SCUBE1: variants seen among roughly 807,000 people sequenced by gnomAD.
The protein encoded by SCUBE1 is signal peptide, CUB domain and EGF like domain containing 1, also known as signal peptide, CUB and EGF-like domain-containing protein 1.
In SCUBE1, 59 loss-of-function variants were observed where a neutral mutation model predicts 124.4. The ratio of observed to expected loss-of-function variants is 0.47; its 90% CI spans 0.38 to 0.59. The LOEUF is 0.59. SCUBE1 is among the 20% of genes least tolerant of loss of function. The pLI is 0.00. For missense variants in SCUBE1, 1,150 were observed against 1,371.2 expected (o/e 0.84, Z 2.55); for synonymous variants, 545 against 550.9 (o/e 0.99, Z 0.15).
At chr22:43,324,045 G>T (rs968466551) in intron 2 of SCUBE1, among the ~76,000 whole-genome samples, 2 of 152,166 alleles carry the variant, frequency 1.3e-5, no homozygotes, top group Non-Finnish European at 2.9e-5. Flanking sequence ...CTATTTTAAT[G>T]GTGGTAAGGT....
At position 43,320,250 on chromosome 22, in the gene SCUBE1, G is replaced by A. The variant is rs186405440; in HGVS notation, c.221-185C>T. 7.9e-5 allele frequency among the ~76,000 whole-genome samples: 12 copies of A among 152,314 alleles called. No homozygotes were observed. The East Asian group carries it at 2.3e-3, about 29-fold the overall frequency. Reference sequence around the variant, plus strand: ...CTAATCATGTGTGGGGTGCCTTCCAGTTCCTACCACAGTGAACAGGCAAGA... The same window carrying A: ...CTAATCATGTGTGGGGTGCCTTCCAATTCCTACCACAGTGAACAGGCAAGA... On this transcript the variant is annotated intron_variant, in intron 2 of 21. Transcript: ENST00000360835.
intron 3 of SCUBE1, among the ~76,000 whole-genome samples, chr22:43,308,265 C>G (rs1926046643): frequency 2.6e-5 from 4 of 152,140 alleles, no homozygotes; most frequent in Admixed American, 2.6e-4. Flanking sequence ...CTGTCTTGTA[C>G]TCTGACAGCA....
intron 10 of SCUBE1, 22 bp from the exon 11 acceptor site, chr22:43,223,238 AG>A (rs1201767142): frequency 1.9e-6 from 3 of 1,556,980 alleles, no homozygotes; most frequent in Non-Finnish European, 2.6e-6. Context: ...GATACGAGAG[AG>A]GGCTGAGAGA....
chr22:43,246,610 G>A (rs565353081), intron 6 of SCUBE1, among the ~76,000 whole-genome samples: 3 of 152,340 alleles, frequency 2.0e-5, no homozygotes, highest in African/African-American at 7.2e-5. Context: ...TCTGAGCTTC[G>A]GTTTCCTTAT....
At chr22:43,230,466 C>T (rs1008447836) in intron 8 of SCUBE1, among the ~76,000 whole-genome samples, 9 of 151,622 alleles carry the variant, frequency 5.9e-5, no homozygotes, top group African/African-American at 1.5e-4. Context: ...GGGGGTGGGG[C>T]GGGTGAGGAC....
At chr22:43,223,239 G>T (rs777800941) in intron 10 of SCUBE1, 23 bp from the exon 11 acceptor site, 35 of 1,557,224 alleles carry the variant, frequency 2.2e-5, no homozygotes, top group Non-Finnish European at 2.9e-5. Context: ...ATACGAGAGA[G>T]GGCTGAGAGA....
At chr22:43,265,579 C>T (rs1017905849) in intron 4 of SCUBE1, among the ~76,000 whole-genome samples, 1 of 152,252 alleles carries the variant, frequency 6.6e-6, no homozygotes, top group Admixed American at 6.5e-5. Flanking sequence ...TCTCACCCAG[C>T]ATCCCCAGCA....
chr22:43,286,873 T>C (rs578052557), intron 4 of SCUBE1, among the ~76,000 whole-genome samples: 98 of 152,324 alleles, frequency 6.4e-4, no homozygotes, highest in Non-Finnish European at 1.3e-3. Flanking sequence ...TACTCCCGGA[T>C]CGATTCTGGT....
At position 43,214,151 on chromosome 22, in the gene SCUBE1, T is replaced by C. The variant is rs1307559214; in HGVS notation, c.1992A>G (p.Thr664=). 1.3e-6 allele frequency: 2 copies of C among 1,541,506 alleles called. No homozygotes were observed. Among genetic ancestry groups the C allele is most frequent in the South Asian group, 2.2e-5 (2 of 90,218 alleles). ...YQDMEGQLSC[T]PCPSSDGLGL... is the part of the protein sequence containing the mutation. ...CAAGCCCGTCGCTGCTGGGGCACGGTGTGCAACTGAGCTGGCCTTCCATGT... is the reference window on the plus strand; with the variant it reads ...CAAGCCCGTCGCTGCTGGGGCACGGCGTGCAACTGAGCTGGCCTTCCATGT... The change falls in exon 16 of 22, where the codon ACA becomes ACG. Residue 664 remains threonine, a synonymous_variant. Coordinates refer to ENST00000360835, the MANE Select transcript of SCUBE1 (RefSeq NM_173050.5).
At chr22:43,338,753 G>C (rs1447664447) in intron 2 of SCUBE1, among the ~76,000 whole-genome samples, 1 of 152,156 alleles carries the variant, frequency 6.6e-6, no homozygotes. Flanking sequence ...GGCCAGGCTG[G>C]TCTCAAACTC....
chr22:43,211,115 G>A lies in SCUBE1; in HGVS notation c.2222-32C>T, dbSNP rs1271556659. 1 of 1,584,456 alleles carries A rather than the reference G, an allele frequency of 6.3e-7. No homozygotes were observed. The highest frequency in any genetic ancestry group is 1.8e-5 in the Admixed American group (1 of 54,744). On this transcript the variant is annotated intron_variant, in intron 17 of 21. Coordinates refer to ENST00000360835, the MANE Select transcript of SCUBE1 (RefSeq NM_173050.5). This position sits in a 1 kb window ranked among gnomAD's most constrained non-coding sequence, Gnocchi z 4.5. ...GGGGACACAAGGCAGTGTGGTGGGT[G>A]TGGAGGGGTGCAGGGAAAGGGCAGC...
At chr22:43,241,654 C>A (rs117761764) in intron 6 of SCUBE1, among the ~76,000 whole-genome samples, 1 of 152,184 alleles carries the variant, frequency 6.6e-6, no homozygotes, top group Admixed American at 6.5e-5. Context: ...CTCCTCTCCC[C>A]CTGGGACCCA....
At chr22:43,251,727 A>C (rs1923457472) in intron 6 of SCUBE1, among the ~76,000 whole-genome samples, 2 of 152,240 alleles carry the variant, frequency 1.3e-5, no homozygotes, top group Non-Finnish European at 2.9e-5. Flanking sequence ...AATTTAGCCC[A>C]GTGAGCCCCA....
At position 43,343,336 on chromosome 22, in the gene SCUBE1, G is replaced by A. The variant is rs1927399406; in HGVS notation, c.-75C>T. On this transcript the variant is annotated 5_prime_UTR_variant, in exon 1 of 22. Coordinates refer to ENST00000360835, the MANE Select transcript of SCUBE1 (RefSeq NM_173050.5). Reference sequence around the variant, plus strand: ...CGACCGACCGGCCGCTCCCGCAGGCGCTGCTCGCTGCTCGCCGCTCCGCCA... The same window carrying A: ...CGACCGACCGGCCGCTCCCGCAGGCACTGCTCGCTGCTCGCCGCTCCGCCA... 3.0e-6 allele frequency: 2 copies of A among 659,100 alleles called. No homozygotes were observed. The highest frequency in any genetic ancestry group is 3.9e-6 in the Non-Finnish European group (2 of 518,458). The allele number at this position is 659,100 out of a possible 1,614,324, so 40.8% of individuals were successfully genotyped here.
At chr22:43,256,796 C>A (rs1429728857) in intron 6 of SCUBE1, among the ~76,000 whole-genome samples, 1 of 152,154 alleles carries the variant, frequency 6.6e-6, no homozygotes, top group Admixed American at 6.5e-5. Context: ...GGCTGGGTGG[C>A]CCGGGAGAGC....
intron 4 of SCUBE1, chr22:43,270,197 A>T (rs963804116): frequency 3.3e-5 from 5 of 152,248 alleles, no homozygotes; most frequent in African/African-American, 1.2e-4. Context: ...GCCTTCAGGT[A>T]TGTGTACAAG....
At chr22:43,252,157 T>C (rs1254261790) in intron 6 of SCUBE1, among the ~76,000 whole-genome samples, 1 of 152,216 alleles carries the variant, frequency 6.6e-6, no homozygotes, top group Non-Finnish European at 1.5e-5. Context: ...GGGGTGACTA[T>C]CACAAAAAGC....
intron 6 of SCUBE1, among the ~76,000 whole-genome samples, chr22:43,251,505 G>A (rs1923447339): frequency 6.6e-6 from 1 of 152,192 alleles, no homozygotes; most frequent in Non-Finnish European, 1.5e-5. Context: ...GGGGCCCAGC[G>A]TGATCACAGG....
intron 8 of SCUBE1, among the ~76,000 whole-genome samples, chr22:43,229,937 T>A (rs1185472870): frequency 6.6e-6 from 1 of 152,226 alleles, no homozygotes; most frequent in African/African-American, 2.4e-5. Context: ...GACGCCAACC[T>A]GCCCCTCCTT....
Sources: allele counts gnomAD v4.1 joint callset (sites outside exome capture counted in the v4.1 genomes callset), GRCh38; gene constraint gnomAD v4.1.1; non-coding constraint Gnocchi (gnomAD v3.1); transcripts MANE v1.5; gene names NCBI Gene and HGNC (gene_info 2026-07-23, HGNC 2026-07-21).